Variants in XYLB observed in about 807,000 individuals in gnomAD.
The protein encoded by XYLB is xylulokinase.
A neutral mutation model predicts 78.7 loss-of-function variants in XYLB; 62 were observed. That is an observed-to-expected ratio of 0.79 (90% CI 0.64 to 0.97). The LOEUF is 0.97. Ranked by LOEUF, XYLB falls within the 50% of genes least tolerant of loss-of-function variation. The pLI is 0.00. For missense variants in XYLB, 687 were observed against 676.8 expected, an observed-to-expected ratio of 1.02 and a Z score of -0.17; for synonymous variants, 245 against 247.4, an observed-to-expected ratio of 0.99 and a Z score of 0.09.
intron 14 of XYLB, among the ~76,000 whole-genome samples, chr3:38,377,928 G>A (rs972605995): frequency 2.6e-5 from 4 of 152,140 alleles, no homozygotes; most frequent in East Asian, 1.9e-4. Context: ...GACCTTTCTC[G>A]GGAAGGATTT....
At chr3:38,365,150 G>A (rs765524275) in intron 4 of XYLB, 49 bp from the exon 5 acceptor site, 1 of 1,575,342 alleles carries the variant, frequency 6.3e-7, no homozygotes, top group South Asian at 1.1e-5. Context: ...TCAGGAGGCT[G>A]TGACACTGGT....
chr3:38,406,409 A>G (rs943820401), intron 18 of XYLB, among the ~76,000 whole-genome samples: 3 of 152,220 alleles, frequency 2.0e-5, no homozygotes, highest in Non-Finnish European at 4.4e-5. Context: ...CAGAGACCAA[A>G]AGTAGATAAA....
downstream of XYLB, among the ~76,000 whole-genome samples, chr3:38,415,173 C>T (rs4147024): frequency 0.42 from 63,700 of 152,040 alleles, 15,693 homozygotes; most frequent in Non-Finnish European, 0.56. Context: ...AACTTCTCAA[C>T]AAAGCAAGAT....
intron 18 of XYLB, 38 bp from the exon 19 acceptor site, chr3:38,412,898 T>A: frequency 6.4e-7 from 1 of 1,554,432 alleles, no homozygotes; most frequent in Admixed American, 1.9e-5. Flanking sequence ...AGAGGCATTT[T>A]CCCCCTCTGT....
chr3:38,416,805 T>C (rs1035902886), downstream of XYLB, among the ~76,000 whole-genome samples: 6 of 152,220 alleles, frequency 3.9e-5, no homozygotes, highest in African/African-American at 1.4e-4. Flanking sequence ...TTCAGTTATC[T>C]GGTTTGTCAA....
Position 38,359,130 on chromosome 3 carries a change from C to T in XYLB, c.141-1209C>T, listed in dbSNP as rs555701419. Among the ~76,000 whole-genome samples the T allele has an allele frequency of 9.2e-5, 14 of 152,348 alleles. No homozygotes were observed. The East Asian group carries it at 2.7e-3, about 29-fold the overall frequency. On this transcript the variant is annotated intron_variant, in intron 2 of 18. Transcript: ENST00000207870. ...TTATTGACAGTAAGCCTGTGATAAA[C>T]ATTGTTTCTAAAGATTATAGATTAG...
At chr3:38,430,530 T>C in the XYLB span, among the ~76,000 whole-genome samples, 2 of 152,238 alleles carry the variant, frequency 1.3e-5, no homozygotes, top group African/African-American at 4.8e-5. Flanking sequence ...TGGTAGTTTC[T>C]TTTGCTGTGC....
chr3:38,395,656 C>T, intron 16 of XYLB, 93 bp downstream of exon 16: 1 of 1,355,890 alleles, frequency 7.4e-7, no homozygotes, highest in Non-Finnish European at 1.0e-6. Context: ...GCCTCCATTC[C>T]CACTCCTGCA....
intron 15 of XYLB, among the ~76,000 whole-genome samples, chr3:38,385,866 C>T (rs375622355): frequency 6.6e-6 from 1 of 152,174 alleles, no homozygotes; most frequent in South Asian, 2.1e-4. Context: ...TTCCCAGCCC[C>T]TTTCAGTGGG....
At chr3:38,360,206 T>G (rs1482130902) in intron 2 of XYLB, 133 bp from the exon 3 acceptor site, 6 of 834,692 alleles carry the variant, frequency 7.2e-6, no homozygotes, top group Non-Finnish European at 1.2e-5. Flanking sequence ...CAATCAACAG[T>G]TCCCACTTGG....
chr3:38,416,196 G>A (rs192101678), downstream of XYLB, among the ~76,000 whole-genome samples: 135 of 152,256 alleles, frequency 8.9e-4, 1 homozygote, highest in Admixed American at 2.4e-3. Context: ...AAACAAAAAA[G>A]AAGGGAGAGA....
chr3:38,351,171 CAAAAAA>C (rs58457623), intron 2 of XYLB, among the ~76,000 whole-genome samples: 378 of 23,066 alleles, frequency 0.016, 5 homozygotes, highest in Non-Finnish European at 0.027. Context: ...GAGCCTGTCT[CAAAAAA>C]AAAAAAAAAA....
chr3:38,445,764 C>A, the XYLB span, among the ~76,000 whole-genome samples: 1 of 152,196 alleles, frequency 6.6e-6, no homozygotes, highest in African/African-American at 2.4e-5. Flanking sequence ...TCCCAGAAAG[C>A]CTGACACCCA....
At position 38,376,199 on chromosome 3, in the gene XYLB, C is replaced by T. The variant is rs1706847050; in HGVS notation, c.1087C>T (p.Gln363Ter). The change falls in exon 13 of 19, where the codon CAG (glutamine) becomes TAG (stop). Residue 363 changes from glutamine to a stop codon, truncating the protein, a stop_gained. Transcript: ENST00000207870. LOFTEE classifies it high-confidence loss of function. ...CTGGAGCGATTTCTCTAAGGCACTG[C>T]AGTCCACAGAGATGGGCAACGGTGG... ...RSWSDFSKAL[Q>*]STEMGNGGNL... The T allele has an allele frequency of 6.2e-7, 1 of 1,613,850 alleles. No homozygotes were observed. Among genetic ancestry groups the T allele is most frequent in the Non-Finnish European group, 8.5e-7 (1 of 1,179,720 alleles).
intron 1 of XYLB, among the ~76,000 whole-genome samples, chr3:38,347,198 G>C (rs1028657491): frequency 6.6e-6 from 1 of 152,160 alleles, no homozygotes; most frequent in African/African-American, 2.4e-5. Flanking sequence ...GGCGCTCCTC[G>C]GCAGGACCCC....
At chr3:38,358,055 A>G (rs1373357532) in intron 2 of XYLB, among the ~76,000 whole-genome samples, 1 of 150,448 alleles carries the variant, frequency 6.6e-6, no homozygotes, top group African/African-American at 2.4e-5. Flanking sequence ...TAATCTTCCT[A>G]CTTTTTTCCT....
At chr3:38,427,959 A>G in the XYLB span, among the ~76,000 whole-genome samples, 1 of 152,250 alleles carries the variant, frequency 6.6e-6, no homozygotes, top group African/African-American at 2.4e-5. Flanking sequence ...CTTTACTAAC[A>G]TAAGCACTTA....
At chr3:38,440,548 G>A in the XYLB span, among the ~76,000 whole-genome samples, 3 of 152,180 alleles carry the variant, frequency 2.0e-5, no homozygotes, top group Admixed American at 2.0e-4. Flanking sequence ...GGTCTGTTCA[G>A]ATCTTTGTGT....
chr3:38,446,708 G>T, the XYLB span, among the ~76,000 whole-genome samples: 1 of 152,118 alleles, frequency 6.6e-6, no homozygotes, highest in Non-Finnish European at 1.5e-5. Flanking sequence ...GGAAAATTGG[G>T]TAGTCACATG....
Sources: gnomAD v4.1 joint callset for allele counts (sites outside exome capture counted in the v4.1 genomes callset) on GRCh38, gnomAD v4.1.1 for gene constraint, MANE v1.5 for transcripts, NCBI Gene and HGNC (gene_info 2026-07-23, HGNC 2026-07-21) for gene names.